The following ABHD12 variants were observed in gnomAD, a reference collection of about 807,000 sequenced individuals.
ABHD12 encodes the protein lysophosphatidylserine lipase ABHD12.
Under a neutral mutation model 58.3 loss-of-function variants are expected in ABHD12, and 43 were observed. The observed-to-expected ratio is 0.74, with a 90% CI of 0.58 to 0.95. The LOEUF is 0.95. ABHD12 is among the 40% of genes least tolerant of loss of function. ABHD12 has a pLI of 0.00. For missense variants in ABHD12, 539 were observed against 537.2 expected, an observed-to-expected ratio of 1.00 and a Z score of -0.03; for synonymous variants, 219 against 211.2, an observed-to-expected ratio of 1.04 and a Z score of -0.32.
At chr20:25,355,724 A>T (rs1402795590) in intron 1 of ABHD12, among the ~76,000 whole-genome samples, 2 of 151,984 alleles carry the variant, frequency 1.3e-5, no homozygotes, top group African/African-American at 4.8e-5. Context: ...ATGCCCAGGT[A>T]ATTTTTGTAT....
At chr20:25,358,147 A>G (rs894277828) in intron 1 of ABHD12, among the ~76,000 whole-genome samples, 3 of 152,222 alleles carry the variant, frequency 2.0e-5, no homozygotes, top group Admixed American at 6.5e-5. Flanking sequence ...AATTTTAAAT[A>G]TTCATACTCT....
At chr20:25,307,102 T>C (rs746143300) in intron 9 of ABHD12, among the ~76,000 whole-genome samples, 187 bp from the exon 10 acceptor site, 5 of 152,178 alleles carry the variant, frequency 3.3e-5, no homozygotes, top group Non-Finnish European at 7.4e-5. Flanking sequence ...GCCCTGGCCG[T>C]GTCCTGGCTT....
rs557573795 is a variant in ABHD12 at position 25,302,206 on chromosome 20, G to A, written c.1157+13C>T. The A allele has an allele frequency of 1.1e-5, 17 of 1,612,850 alleles. No homozygotes were observed. Among genetic ancestry groups the A allele is most frequent in the South Asian group, 7.7e-5 (7 of 91,020 alleles). ...CCCAGACGAAGCCCCTGGGTGGGAA[G>A]AGAATGTCTCACCTCAGTATCCGTG... is the stretch of plus-strand genomic sequence containing the variant. On this transcript the variant is annotated intron_variant, in intron 12 of 12. Transcript: ENST00000339157.
chr20:25,299,373 C>T (rs980835805), downstream of ABHD12, among the ~76,000 whole-genome samples: 1 of 152,068 alleles, frequency 6.6e-6, no homozygotes, highest in African/African-American at 2.4e-5. Flanking sequence ...GCACTCCAGC[C>T]TGGGCAACAG....
intron 1 of ABHD12, among the ~76,000 whole-genome samples, chr20:25,367,767 T>C (rs1008128278): frequency 2.6e-5 from 4 of 152,260 alleles, no homozygotes; most frequent in African/African-American, 9.6e-5. Context: ...TGTACAGATA[T>C]ACCACATTTT....
chr20:25,309,799 A>G (rs980103206), intron 6 of ABHD12, among the ~76,000 whole-genome samples: 17 of 152,116 alleles, frequency 1.1e-4, no homozygotes, highest in Non-Finnish European at 5.9e-5. Flanking sequence ...GCAGCCCAGC[A>G]GCAACCCTGC....
At chr20:25,321,973 C>G (rs983419817) in intron 3 of ABHD12, among the ~76,000 whole-genome samples, 5 of 152,222 alleles carry the variant, frequency 3.3e-5, no homozygotes, top group African/African-American at 9.6e-5. Flanking sequence ...TGGGAAGCTA[C>G]TCACAGCATT....
At chr20:25,375,482 C>G (rs192277747) in intron 1 of ABHD12, among the ~76,000 whole-genome samples, 233 of 152,334 alleles carry the variant, frequency 1.5e-3, no homozygotes, top group Non-Finnish European at 3.0e-3. Context: ...ACCCCAGGGT[C>G]TCTCTCTGTG....
At position 25,320,312 on chromosome 20, in the gene ABHD12, G is replaced by A. The variant is rs1172650892; in HGVS notation, c.429C>T (p.Thr143=). ...EEDVTIGVWH[T]VPAVWWKNAQ... ...CGTTCTTCCACCAGACTGCAGGGAC[G>A]GTGTGCCTGCAGACAGAAGCAGAGG... Residue 143 remains threonine (T), a synonymous_variant, in exon 4 of 13, where the codon ACC becomes ACT. Coordinates refer to ENST00000339157, the MANE Select transcript of ABHD12 (RefSeq NM_001042472.3). 8 of 1,613,654 alleles carry A rather than the reference G, an allele frequency of 5.0e-6. No individual in the cohort carries two copies. Among genetic ancestry groups the A allele is most frequent in the African/African-American group, 1.3e-5 (1 of 74,950 alleles).
intron 7 of ABHD12, 68 bp downstream of exon 7, chr20:25,309,378 A>T: frequency 6.2e-7 from 1 of 1,609,530 alleles, no homozygotes; most frequent in Non-Finnish European, 8.5e-7. Flanking sequence ...GACTCTCTAG[A>T]TCCAGGCATG....
At chr20:25,305,431 C>T (rs1470194106) in intron 10 of ABHD12, among the ~76,000 whole-genome samples, 2 of 149,900 alleles carry the variant, frequency 1.3e-5, no homozygotes, top group Non-Finnish European at 3.0e-5. Context: ...GGCGCGATCT[C>T]GGCCCACTAC....
At chr20:25,312,043 A>C (rs184969996) in intron 6 of ABHD12, among the ~76,000 whole-genome samples, 247 of 152,094 alleles carry the variant, frequency 1.6e-3, no homozygotes, top group African/African-American at 5.5e-3. Context: ...AGTCAGTTGC[A>C]ATGGCTCACT....
intron 10 of ABHD12, among the ~76,000 whole-genome samples, chr20:25,305,441 C>T (rs967334100): frequency 4.6e-5 from 7 of 151,094 alleles, no homozygotes; most frequent in Non-Finnish European, 1.0e-4. Flanking sequence ...CGGCCCACTA[C>T]AACCTCTGCC....
At chr20:25,360,124 T>C (rs1396347212) in intron 1 of ABHD12, among the ~76,000 whole-genome samples, 1 of 152,028 alleles carries the variant, frequency 6.6e-6, no homozygotes, top group Non-Finnish European at 1.5e-5. Flanking sequence ...CTCTGGAATT[T>C]ATTTTGGTAT....
At chr20:25,322,234 G>A (rs961743155) in intron 3 of ABHD12, among the ~76,000 whole-genome samples, 24 of 151,532 alleles carry the variant, frequency 1.6e-4, no homozygotes, top group Admixed American at 1.1e-3. Flanking sequence ...TATGTCCAGT[G>A]TAAACTTATG....
In ABHD12 at chr20:25,323,464, C is replaced by T. The variant is rs774393394; in HGVS notation, c.317-34G>A. The T allele has an allele frequency of 3.7e-6, 5 of 1,345,048 alleles. No individual in the cohort carries two copies. The South Asian group carries it at 5.8e-5, about 16-fold the overall frequency. 83.3% of individuals were successfully genotyped at this position (1,345,048 alleles called of 1,614,324 possible). A position where few individuals can be genotyped will look rare whatever the true frequency, so the allele number is the denominator to read the frequency against. On this transcript the variant is annotated intron_variant, in intron 2 of 12. Coordinates refer to ENST00000339157, the MANE Select transcript of ABHD12 (RefSeq NM_001042472.3). ...AATAAAGAGATGGAAATTAGGATTA[C>T]TGGTGGATGAATACACACATGTACA...
At chr20:25,297,766 G>C (rs2088571726), downstream of ABHD12, 1 of 152,316 alleles carries the variant, frequency 6.6e-6, no homozygotes, top group African/African-American at 2.4e-5. Flanking sequence ...CTGGCCTCCA[G>C]TGCCCACCAG....
chr20:25,355,083 C>G (rs1319736398), intron 1 of ABHD12, among the ~76,000 whole-genome samples: 1 of 152,166 alleles, frequency 6.6e-6, no homozygotes, highest in African/African-American at 2.4e-5. Context: ...CTCCAGAGGG[C>G]CCCCACTCTC....
intron 2 of ABHD12, among the ~76,000 whole-genome samples, chr20:25,328,670 A>G (rs578134181): frequency 4.3e-4 from 66 of 152,364 alleles, no homozygotes; most frequent in African/African-American, 1.5e-3. Context: ...TCCAAGCCCA[A>G]GAAATCTAAG....
Sources: gnomAD v4.1 joint callset for allele counts (sites outside exome capture counted in the v4.1 genomes callset) on GRCh38, gnomAD v4.1.1 for gene constraint, MANE v1.5 for transcripts, NCBI Gene and HGNC (gene_info 2026-07-23, HGNC 2026-07-21) for gene names.